The following NUMB variants were observed in gnomAD, a reference collection of about 807,000 sequenced individuals.
The protein encoded by NUMB is protein numb homolog.
Under a neutral mutation model 59.7 loss-of-function variants are expected in NUMB, and 29 were observed. The ratio of observed to expected loss-of-function variants is 0.49; its 90% CI spans 0.36 to 0.66. The LOEUF (loss-of-function observed/expected upper bound fraction) is 0.66, where lower values mean the gene tolerates loss of function less well. Ranked by LOEUF, NUMB falls within the 30% of genes least tolerant of loss-of-function variation. The probability of loss-of-function intolerance (pLI) is 0.00; values close to 1 mark genes in which losing one functional copy is unlikely to be tolerated. For missense variants in NUMB, 723 were observed against 822.0 expected (o/e 0.88, Z 1.47); for synonymous variants, 288 against 288.2 (o/e 1.00, Z 0.01).
rs528016823 is a variant in NUMB, at chr14:73,288,767, G to A, written c.451-1453C>T. Among the ~76,000 whole-genome samples, 91 of 151,834 alleles carry A rather than the reference G, an allele frequency of 6.0e-4. 1 individual carries two copies. The Middle Eastern group carries it at 0.01, about 17-fold the overall frequency. ...CCAGCTACTCGGGAGGCTGAGGCAG[G>A]AGAATCACTTGAACCCAGGAGGTGG... On this transcript the variant is annotated intron_variant, in intron 8 of 12. Coordinates refer to ENST00000555238, the MANE Select transcript of NUMB (RefSeq NM_001005743.2).
At chr14:73,293,871 A>G (rs372660054) in intron 7 of NUMB, among the ~76,000 whole-genome samples, 113 of 152,364 alleles carry the variant, frequency 7.4e-4, no homozygotes, top group Middle Eastern at 3.4e-3. Context: ...TGGTGATGCT[A>G]TAAACACAAA....
chr14:73,343,155 C>T (rs1892730070), intron 4 of NUMB, among the ~76,000 whole-genome samples: 1 of 152,034 alleles, frequency 6.6e-6, no homozygotes, highest in Non-Finnish European at 1.5e-5. Flanking sequence ...TTAAAGTGTT[C>T]CAGATACCAG....
At chr14:73,331,352 T>C (rs150567712) in intron 4 of NUMB, among the ~76,000 whole-genome samples, 1 of 152,070 alleles carries the variant, frequency 6.6e-6, no homozygotes, top group Non-Finnish European at 1.5e-5. Flanking sequence ...AAGACCATCC[T>C]GGCTAACACG....
chr14:73,425,606 G>A (rs1189780587), intron 1 of NUMB, among the ~76,000 whole-genome samples: 1 of 151,808 alleles, frequency 6.6e-6, no homozygotes, highest in African/African-American at 2.4e-5. Context: ...AAGTATTTAG[G>A]GGTTACTATA....
At chr14:73,442,191 GA>G (rs1445366060) in intron 1 of NUMB, among the ~76,000 whole-genome samples, 7 of 121,290 alleles carry the variant, frequency 5.8e-5, no homozygotes, top group South Asian at 2.7e-4. Flanking sequence ...GTCTCTGTAA[GA>G]AAAAAAAAAG....
intron 1 of NUMB, among the ~76,000 whole-genome samples, chr14:73,448,470 C>T (rs937984648): frequency 2.0e-5 from 3 of 152,112 alleles, no homozygotes; most frequent in African/African-American, 7.2e-5. Context: ...GGATTAAAGG[C>T]ATGAGCCACC....
intron 2 of NUMB, among the ~76,000 whole-genome samples, chr14:73,372,666 TG>T (rs1894769032): frequency 6.6e-6 from 1 of 151,852 alleles, no homozygotes; most frequent in East Asian, 1.9e-4. Flanking sequence ...CTTACTCATT[TG>T]TTCAGTCCTA....
At chr14:73,449,473 T>A (rs906775598) in intron 1 of NUMB, among the ~76,000 whole-genome samples, 10 of 152,200 alleles carry the variant, frequency 6.6e-5, no homozygotes, top group Non-Finnish European at 1.2e-4. Flanking sequence ...ATTGTTTTAT[T>A]TTTTATTGGG....
chr14:73,429,732 C>G (rs1476707431), intron 1 of NUMB, among the ~76,000 whole-genome samples: 1 of 152,034 alleles, frequency 6.6e-6, no homozygotes, highest in South Asian at 2.1e-4. Flanking sequence ...CACTTGAGGC[C>G]AGGAGTTTCA....
At chr14:73,404,851 C>T (rs1204609245) in intron 2 of NUMB, among the ~76,000 whole-genome samples, 1 of 151,910 alleles carries the variant, frequency 6.6e-6, no homozygotes, top group Non-Finnish European at 1.5e-5. Context: ...ACCTCCGCCT[C>T]CCGGGTTCAA....
At chr14:73,376,959 G>A (rs963698112) in intron 2 of NUMB, among the ~76,000 whole-genome samples, 3 of 152,194 alleles carry the variant, frequency 2.0e-5, no homozygotes, top group African/African-American at 4.8e-5. Flanking sequence ...CAACACAATG[G>A]TGAAAAGACA....
At chr14:73,320,848 C>T (rs187442378) in intron 5 of NUMB, among the ~76,000 whole-genome samples, 33 of 149,632 alleles carry the variant, frequency 2.2e-4, no homozygotes, top group African/African-American at 2.5e-4. Flanking sequence ...CAAGCAATCA[C>T]GCCTATTATC....
At chr14:73,336,395 G>A (rs1032510379) in intron 4 of NUMB, among the ~76,000 whole-genome samples, 8 of 152,146 alleles carry the variant, frequency 5.3e-5, no homozygotes, top group African/African-American at 1.9e-4. Flanking sequence ...TTTTCATCAC[G>A]AGAGAATGAT....
intron 4 of NUMB, among the ~76,000 whole-genome samples, chr14:73,352,366 A>C (rs1287575178): frequency 6.7e-6 from 1 of 148,764 alleles, no homozygotes; most frequent in Non-Finnish European, 1.5e-5. Flanking sequence ...TTTTTTTCTT[A>C]CATGTTCTTA....
At chr14:73,346,825 G>GA (rs1426332740) in intron 4 of NUMB, among the ~76,000 whole-genome samples, 1 of 152,136 alleles carries the variant, frequency 6.6e-6, no homozygotes, top group Admixed American at 6.5e-5. Context: ...AAACTGAGGT[G>GA]AATTTCCAGC....
At chr14:73,383,196 T>C (rs115959122) in intron 2 of NUMB, among the ~76,000 whole-genome samples, 1 of 152,090 alleles carries the variant, frequency 6.6e-6, no homozygotes, top group Non-Finnish European at 1.5e-5. Flanking sequence ...GATCCAGACA[T>C]TGTTAATTAC....
intron 1 of NUMB, among the ~76,000 whole-genome samples, chr14:73,412,237 G>A (rs1299295509): frequency 6.6e-6 from 1 of 151,954 alleles, no homozygotes. Context: ...CATTTAATGG[G>A]GACTGATTAT....
At chr14:73,305,408 T>C (rs1028469531) in intron 6 of NUMB, among the ~76,000 whole-genome samples, 4 of 152,166 alleles carry the variant, frequency 2.6e-5, no homozygotes, top group Non-Finnish European at 5.9e-5. Context: ...TTCTTTTTTT[T>C]TTCTGACAAA....
intron 2 of NUMB, among the ~76,000 whole-genome samples, chr14:73,395,092 T>TGTGTGTGTGTGTGTGTGTGTGTGTG (rs1896064910): frequency 7.1e-6 from 1 of 141,660 alleles, no homozygotes; most frequent in Non-Finnish European, 1.5e-5. Context: ...TGTGTGTGTG[T>TGTGTGTGTGTGTGTGTGTGTGTGTG]TACATGTGGC....
Sources: allele counts gnomAD v4.1 joint callset (sites outside exome capture counted in the v4.1 genomes callset), GRCh38; gene constraint gnomAD v4.1.1; transcripts MANE v1.5; gene names NCBI Gene and HGNC (gene_info 2026-07-23, HGNC 2026-07-21).